Variants in PCSK6 observed in about 807,000 individuals in gnomAD.
PCSK6 encodes the protein proprotein convertase subtilisin/kexin type 6, also known as paired basic amino acid cleaving enzyme 4.
A neutral mutation model predicts 123.3 loss-of-function variants in PCSK6; 85 were observed. That is an observed-to-expected ratio of 0.69 (90% CI 0.58 to 0.83). The LOEUF is 0.83. PCSK6 is among the 40% of genes least tolerant of loss of function. PCSK6 has a pLI of 0.00. For missense variants in PCSK6, 1,191 were observed against 1,282.3 expected, an observed-to-expected ratio of 0.93 and a Z score of 1.09; for synonymous variants, 508 against 516.0, an observed-to-expected ratio of 0.98 and a Z score of 0.21.
At chr15:101,479,799 A>T (rs952455111) in intron 1 of PCSK6, among the ~76,000 whole-genome samples, 1 of 152,142 alleles carries the variant, frequency 6.6e-6, no homozygotes, top group South Asian at 2.1e-4. Context: ...CCAGATCTCC[A>T]CCCAGGGAAG....
At chr15:101,440,039 A>T (rs1361296606) in intron 2 of PCSK6, among the ~76,000 whole-genome samples, 1 of 152,234 alleles carries the variant, frequency 6.6e-6, no homozygotes, top group Non-Finnish European at 1.5e-5. Context: ...CTTGGAACAT[A>T]ATCAGAACAA....
At chr15:101,347,585 A>T in intron 13 of PCSK6, 1 of 1,460,654 alleles carries the variant, frequency 6.8e-7, no homozygotes. Flanking sequence ...TCAATCAACA[A>T]CTGTTTGTGA....
chr15:101,379,687 A>T (rs2041856491), intron 11 of PCSK6, among the ~76,000 whole-genome samples: 1 of 152,164 alleles, frequency 6.6e-6, no homozygotes. Flanking sequence ...GTGCACGGAG[A>T]GGGGGCAGTT....
At chr15:101,352,186 C>T (rs2040909914) in intron 13 of PCSK6, among the ~76,000 whole-genome samples, 2 of 123,370 alleles carry the variant, frequency 1.6e-5, no homozygotes, top group African/African-American at 3.2e-5. Context: ...CTCACTCTGT[C>T]GCCCAGGCTG....
chr15:101,434,685 G>T (rs946513606), intron 2 of PCSK6, among the ~76,000 whole-genome samples: 1 of 152,226 alleles, frequency 6.6e-6, no homozygotes, highest in African/African-American at 2.4e-5. Context: ...CGGCAAGTGA[G>T]GTGCTCTCAG....
At chr15:101,318,517 C>A in intron 18 of PCSK6, 95 bp from the exon 19 acceptor site, 1 of 1,017,766 alleles carries the variant, frequency 9.8e-7, no homozygotes, top group Non-Finnish European at 1.5e-6. Context: ...ATGTAAGTGG[C>A]TGAGGCACAG....
chr15:101,330,547 G>T (rs1567146496), intron 15 of PCSK6, among the ~76,000 whole-genome samples: 1 of 152,138 alleles, frequency 6.6e-6, no homozygotes, highest in Admixed American at 6.5e-5. Flanking sequence ...CTCTGAATAG[G>T]CTCTCCTGCT....
chr15:101,461,699 T>C (rs2057343549), intron 1 of PCSK6, among the ~76,000 whole-genome samples: 1 of 152,138 alleles, frequency 6.6e-6, no homozygotes, highest in Non-Finnish European at 1.5e-5. Context: ...CATTAGAAAG[T>C]CAATAACTGT....
At chr15:101,359,746 C>G (rs2041156572) in intron 13 of PCSK6, among the ~76,000 whole-genome samples, 1 of 152,244 alleles carries the variant, frequency 6.6e-6, no homozygotes, top group South Asian at 2.1e-4. Flanking sequence ...CACTGCAAGC[C>G]TAAAGCTCGC....
intron 5 of PCSK6, among the ~76,000 whole-genome samples, chr15:101,429,442 A>T (rs976142327): frequency 8.5e-5 from 13 of 152,136 alleles, no homozygotes; most frequent in Admixed American, 7.2e-4. Flanking sequence ...GGTAGGGGAC[A>T]TCACTGGCCT....
At chr15:101,379,934 CCT>C (rs1567176897) in intron 11 of PCSK6, among the ~76,000 whole-genome samples, 1 of 152,154 alleles carries the variant, frequency 6.6e-6, no homozygotes, top group Non-Finnish European at 1.5e-5. Context: ...TGGTAACACC[CCT>C]CTCTCTGGAG....
intron 18 of PCSK6, 63 bp from the exon 19 acceptor site, chr15:101,318,485 C>T: frequency 7.6e-7 from 1 of 1,322,934 alleles, no homozygotes; most frequent in Non-Finnish European, 1.1e-6. Flanking sequence ...GACTTGCCCT[C>T]TAGCACCTTT....
chr15:101,421,160 GT>G (rs954616780), intron 6 of PCSK6, among the ~76,000 whole-genome samples: 6 of 152,114 alleles, frequency 3.9e-5, no homozygotes, highest in African/African-American at 1.4e-4. Context: ...TTGGCAGGCT[GT>G]TCGGGAACTC....
chr15:101,378,844 C>T (rs1596258805), intron 11 of PCSK6, among the ~76,000 whole-genome samples: 1 of 152,276 alleles, frequency 6.6e-6, no homozygotes, highest in East Asian at 1.9e-4. Flanking sequence ...TAGTCCTTTT[C>T]ACACCATGGA....
At chr15:101,393,468 T>A in intron 7 of PCSK6, 44 bp from the exon 8 acceptor site, 1 of 1,516,170 alleles carries the variant, frequency 6.6e-7, no homozygotes, top group Non-Finnish European at 9.0e-7. Context: ...CAGCAGAACC[T>A]CGTAGGGTGG....
At chr15:101,369,913 G>T (rs1392181329) in intron 12 of PCSK6, among the ~76,000 whole-genome samples, 2 of 152,222 alleles carry the variant, frequency 1.3e-5, no homozygotes, top group African/African-American at 4.8e-5. Flanking sequence ...ACGACTGGGT[G>T]GGAGAGCTGG....
At chr15:101,325,745 C>T (rs986064258) in intron 16 of PCSK6, among the ~76,000 whole-genome samples, 3 of 152,204 alleles carry the variant, frequency 2.0e-5, no homozygotes, top group Admixed American at 1.3e-4. Context: ...GGAGCAGCTC[C>T]GTGGACAGAG....
rs536148181 is a variant in PCSK6 at position 101,372,801 on chromosome 15, C to T, written c.1533-2278G>A. Among the ~76,000 whole-genome samples, 16 of 152,344 alleles carry T rather than the reference C, an allele frequency of 1.1e-4. No individual in the cohort carries two copies. The South Asian group carries it at 1.7e-3, about 16-fold the overall frequency. ...AACCCTACACTCTCACACTTCAACA[C>T]CTTTCCAGTGCTGAATAGCAAGATC... is the stretch of plus-strand genomic sequence containing the variant. On this transcript the variant is annotated intron_variant, in intron 11 of 21. Coordinates refer to ENST00000611716, the MANE Select transcript of PCSK6 (RefSeq NM_002570.5).
intron 1 of PCSK6, among the ~76,000 whole-genome samples, 178 bp downstream of exon 1, chr15:101,489,196 C>G (rs1305333482): frequency 1.4e-5 from 1 of 69,608 alleles, no homozygotes; most frequent in Non-Finnish European, 3.3e-5. Context: ...GCGCGCCCCC[C>G]CGGGCGACAC....
Sources: allele counts gnomAD v4.1 joint callset (sites outside exome capture counted in the v4.1 genomes callset), GRCh38; gene constraint gnomAD v4.1.1; transcripts MANE v1.5; gene names NCBI Gene and HGNC (gene_info 2026-07-23, HGNC 2026-07-21).